Variants in GALNT9 observed in about 807,000 individuals in gnomAD.
GALNT9 encodes polypeptide N-acetylgalactosaminyltransferase 9, also known as GalNAc transferase 9.
In GALNT9, 47 loss-of-function variants were observed where a neutral mutation model predicts 63.1. That is an observed-to-expected ratio of 0.75 (90% CI 0.59 to 0.95). The LOEUF is 0.95. Among genes scored for constraint, GALNT9 ranks in the 40% least tolerant of loss-of-function variants. GALNT9 has a pLI of 0.00. For missense variants in GALNT9, 829 were observed against 874.8 expected (o/e 0.95, Z 0.66); for synonymous variants, 396 against 365.7 (o/e 1.08, Z -0.94).
chr12:132,328,874 C>T, intron 1 of GALNT9, 92 bp downstream of exon 1: 1 of 1,350,218 alleles, frequency 7.4e-7, no homozygotes, highest in South Asian at 1.6e-5. Flanking sequence ...CGCAGAGGGG[C>T]GCGCACCCGA....
chr12:132,323,149 A>G (rs890228418), intron 1 of GALNT9, among the ~76,000 whole-genome samples: 14 of 152,238 alleles, frequency 9.2e-5, no homozygotes, highest in African/African-American at 3.4e-4. Context: ...CTGACATGGA[A>G]ATTTACAGAC....
At chr12:132,230,500 G>A (rs1472294316) in intron 6 of GALNT9, among the ~76,000 whole-genome samples, 2 of 152,222 alleles carry the variant, frequency 1.3e-5, no homozygotes, top group African/African-American at 4.8e-5. Flanking sequence ...GGGCTGGGGA[G>A]CCCTTTAATC....
intron 2 of GALNT9, among the ~76,000 whole-genome samples, chr12:132,267,897 A>ACACG (rs1455113464): frequency 1.3e-5 from 2 of 150,450 alleles, no homozygotes; most frequent in East Asian, 2.0e-4. Context: ...ACACGCACAC[A>ACACG]CGCACACAAA....
chr12:132,211,130 G>A (rs896164984), intron 6 of GALNT9, among the ~76,000 whole-genome samples: 1 of 152,266 alleles, frequency 6.6e-6, no homozygotes, highest in Non-Finnish European at 1.5e-5. Flanking sequence ...GGGCTGCAAA[G>A]TTTTGCCTCA....
rs540353103 is a variant in GALNT9, at chr12:132,327,688, T to C, written c.238+1278A>G. Among the ~76,000 whole-genome samples the C allele has an allele frequency of 7.2e-5, 11 of 152,160 alleles. No individual in the cohort carries two copies. In the South Asian group the frequency reaches 2.3e-3, roughly 32 times the overall value. ...AGAAAGATCAGAGAAGCCACAGAGC[T>C]CACCAAGCACAGCTCTGCGGGAAAG... On this transcript the variant is annotated intron_variant, in intron 1 of 10. Coordinates refer to ENST00000328957, the MANE Select transcript of GALNT9 (RefSeq NM_001122636.2). The surrounding 1 kb of genome is among the most constrained non-coding windows in gnomAD (Gnocchi z 4.3).
chr12:132,307,355 C>T (rs531271225), intron 1 of GALNT9, among the ~76,000 whole-genome samples: 17 of 152,228 alleles, frequency 1.1e-4, no homozygotes, highest in Admixed American at 4.6e-4. Flanking sequence ...GTTCATTAGG[C>T]AGGACAGCTG....
In GALNT9 at chr12:132,319,073, G is replaced by A. The variant is rs1267010525; in HGVS notation, c.238+9893C>T. On this transcript the variant is annotated intron_variant, in intron 1 of 10. Transcript: ENST00000328957. The surrounding 1 kb of genome is among the most constrained non-coding windows in gnomAD (Gnocchi z 5.2). The stretch of plus-strand genomic sequence containing the variant: ...GACCTGGGTGTCCGTGGCCGCCACC[G>A]AGCCACCAAGCCTGCAGCGTGCGTG... Among the ~76,000 whole-genome samples the A allele has an allele frequency of 1.3e-5, 2 of 152,238 alleles. No homozygotes were observed. The highest frequency in any genetic ancestry group is 2.4e-5 in the African/African-American group (1 of 41,466).
chr12:132,251,812 G>A (rs1311722750), intron 5 of GALNT9, among the ~76,000 whole-genome samples: 3 of 152,208 alleles, frequency 2.0e-5, no homozygotes, highest in African/African-American at 7.2e-5. Context: ...TCCTGGAGGG[G>A]CTGGTGGCAC....
intron 1 of GALNT9, among the ~76,000 whole-genome samples, chr12:132,295,119 C>T (rs926472902): frequency 3.3e-5 from 5 of 152,228 alleles, no homozygotes; most frequent in East Asian, 1.9e-4. Flanking sequence ...CAGGAGCGGC[C>T]GGTGCTGCCA....
intron 6 of GALNT9, among the ~76,000 whole-genome samples, chr12:132,239,861 T>C (rs2136897494): frequency 8.2e-5 from 12 of 147,088 alleles, no homozygotes; most frequent in African/African-American, 3.0e-4. Flanking sequence ...CACAAGGAGA[T>C]AGAGTGACAC....
At chr12:132,226,589 T>C (rs1877698491) in intron 6 of GALNT9, among the ~76,000 whole-genome samples, 11 of 98,812 alleles carry the variant, frequency 1.1e-4, no homozygotes, top group South Asian at 3.7e-4. Context: ...CCCACACACA[T>C]ACACACCACA....
chr12:132,312,857 A>G (rs561804149), intron 1 of GALNT9, among the ~76,000 whole-genome samples: 1 of 152,260 alleles, frequency 6.6e-6, no homozygotes, highest in South Asian at 2.1e-4. Context: ...CCGGGGCCCA[A>G]GCCAAAGATG....
chr12:132,213,358 GAATC>G (rs61627790), intron 6 of GALNT9, among the ~76,000 whole-genome samples: 78,912 of 149,820 alleles, frequency 0.53, 21,264 homozygotes, highest in East Asian at 0.78. Context: ...CCAATTCTTA[GAATC>G]AATCAATTTC....
At chr12:132,235,156 G>A (rs1352382113) in intron 6 of GALNT9, among the ~76,000 whole-genome samples, 1 of 106,728 alleles carries the variant, frequency 9.4e-6, no homozygotes, top group Non-Finnish European at 1.8e-5. Flanking sequence ...ACACTCGATG[G>A]GGTGACAGGG....
chr12:132,299,326 A>G (rs1555243598), intron 1 of GALNT9, among the ~76,000 whole-genome samples: 3 of 135,920 alleles, frequency 2.2e-5, no homozygotes, highest in East Asian at 2.5e-4. Context: ...TCCCTGAGAT[A>G]ACCAAGCCAC....
intron 1 of GALNT9, among the ~76,000 whole-genome samples, chr12:132,291,996 C>T (rs1276573558): frequency 6.6e-6 from 1 of 152,234 alleles, no homozygotes; most frequent in African/African-American, 2.4e-5. Context: ...ATGCCAGCCA[C>T]GCTCCTGCTT....
chr12:132,303,192 G>A (rs563377921), intron 1 of GALNT9, among the ~76,000 whole-genome samples: 9 of 152,102 alleles, frequency 5.9e-5, no homozygotes, highest in South Asian at 2.1e-4. Flanking sequence ...CTCCACCGCC[G>A]GGATGCAGTG....
intron 1 of GALNT9, among the ~76,000 whole-genome samples, chr12:132,287,231 C>CA (rs1189950888): frequency 2.0e-5 from 3 of 152,254 alleles, no homozygotes; most frequent in Admixed American, 2.0e-4. Flanking sequence ...GACACAGTCA[C>CA]ACACGTTCAC....
Position 132,203,670 on chromosome 12 carries a change from G to A in GALNT9, c.1098C>T (p.Ser366=). 1.2e-6 allele frequency: 2 copies of A among 1,612,972 alleles called. No individual in the cohort carries two copies. Among genetic ancestry groups the A allele is most frequent in the Non-Finnish European group, 1.7e-6 (2 of 1,179,690 alleles). ...LGMRVWQCGG[S]MEVLPCSRVA... ...CGCGGGAGCAGGGCAGCACCTCCAT[G>A]CTGCCGCCACACTGCCACACCTGCG... Residue 366 remains serine, a synonymous_variant, in exon 7 of 11, where the codon AGC becomes AGT. Coordinates refer to ENST00000328957, the MANE Select transcript of GALNT9 (RefSeq NM_001122636.2).
Sources: allele counts gnomAD v4.1 joint callset (sites outside exome capture counted in the v4.1 genomes callset), GRCh38; gene constraint gnomAD v4.1.1; non-coding constraint Gnocchi (gnomAD v3.1); transcripts MANE v1.5; gene names NCBI Gene and HGNC (gene_info 2026-07-23, HGNC 2026-07-21).